SPTBN4: variants seen among roughly 807,000 people sequenced by gnomAD.
The protein encoded by SPTBN4 is spectrin beta, non-erythrocytic 4, also known as spectrin beta chain, non-erythrocytic 4.
Under a neutral mutation model 277.8 loss-of-function variants are expected in SPTBN4, and 96 were observed. The observed-to-expected ratio is 0.35, with a 90% CI of 0.29 to 0.41. The LOEUF is 0.41. SPTBN4 is among the 10% of genes least tolerant of loss of function. SPTBN4 has a pLI of 1.00. For synonymous variants in SPTBN4, 1,481 were observed against 1,580.3 expected, an observed-to-expected ratio of 0.94 and a Z score of 1.49; for missense variants, 3,006 against 3,595.7, an observed-to-expected ratio of 0.84 and a Z score of 4.19.
chr19:40,557,251 T>C lies in SPTBN4; in HGVS notation c.5518T>C (p.Phe1840Leu), dbSNP rs1307078479. The change falls in exon 26 of 36, where the codon TTC (phenylalanine) becomes CTC (leucine). Residue 1840 changes from phenylalanine (F) to leucine (L), a missense_variant. Physicochemically the swap from Phe to Leu is conservative, Grantham distance 22. Transcript: ENST00000598249. ...CGCCTCTCGGGAGCTTCATAAGTTC[T>C]TCAGTGACGCCCGAGAGCTTCAGGG... The part of the protein sequence containing the change: ...LAASRELHKF[F>L]SDARELQGQI... 6.2e-7 allele frequency: 1 copy of C among 1,613,558 alleles called. No individual in the cohort carries two copies. The highest frequency in any genetic ancestry group is 8.5e-7 in the Non-Finnish European group (1 of 1,179,830).
chr19:40,521,351 T>G (rs2080524410), intron 16 of SPTBN4, among the ~76,000 whole-genome samples: 1 of 152,246 alleles, frequency 6.6e-6, no homozygotes, highest in Non-Finnish European at 1.5e-5. Flanking sequence ...GCTTTATTTC[T>G]ATTGTTATTA....
chr19:40,482,574 C>T (rs1479065322), intron 2 of SPTBN4, among the ~76,000 whole-genome samples: 1 of 152,152 alleles, frequency 6.6e-6, no homozygotes, highest in Non-Finnish European at 1.5e-5. Flanking sequence ...CATGAGAAGC[C>T]CAAAATCTAA....
chr19:40,499,069 TC>T (rs1453673255), intron 7 of SPTBN4, among the ~76,000 whole-genome samples: 2 of 151,036 alleles, frequency 1.3e-5, no homozygotes, highest in Non-Finnish European at 2.9e-5. Context: ...GCTCTGTCAC[TC>T]AGACTGGAGT....
chr19:40,517,611 G>C (rs2080475465), intron 15 of SPTBN4, among the ~76,000 whole-genome samples: 1 of 152,100 alleles, frequency 6.6e-6, no homozygotes, highest in African/African-American at 2.4e-5. Flanking sequence ...CTACGCTCTT[G>C]ACTCTGTGCT....
chr19:40,574,897 C>A (rs528814739), intron 35 of SPTBN4, among the ~76,000 whole-genome samples: 1 of 151,846 alleles, frequency 6.6e-6, no homozygotes, highest in South Asian at 2.1e-4. Flanking sequence ...TGCCTGTAGT[C>A]CCAGACACTC....
At chr19:40,544,851 G>A (rs555200127) in intron 20 of SPTBN4, among the ~76,000 whole-genome samples, 69 of 151,364 alleles carry the variant, frequency 4.6e-4, no homozygotes, top group South Asian at 1.5e-3. Flanking sequence ...TTTAAGAGAG[G>A]GGGTCTAGCT....
In SPTBN4 at chr19:40,513,188, A is replaced by C; in HGVS notation, c.2399A>C (p.Asp800Ala). 6.7e-7 allele frequency: 1 copy of C among 1,502,906 alleles called. No individual in the cohort carries two copies. Among genetic ancestry groups the C allele is most frequent in the Non-Finnish European group, 8.8e-7 (1 of 1,134,322 alleles). The allele number at this position is 1,502,906 out of a possible 1,614,324, so 93.1% of individuals were successfully genotyped here. A position where few individuals can be genotyped will look rare whatever the true frequency, so the allele number is the denominator to read the frequency against. ...GCTTACCGCCTGGCAGCCGCCGGTGACTTCGGCCACGACGAAGCTTCCAGC... is the reference window on the plus strand; with the variant it reads ...GCTTACCGCCTGGCAGCCGCCGGTGCCTTCGGCCACGACGAAGCTTCCAGC... ...RDAYRLAAAGDFGHDEASSRR... is the reference protein window; with the variant it reads ...RDAYRLAAAGAFGHDEASSRR... Residue 800 changes from aspartate to alanine, a missense_variant, in exon 14 of 36, where the codon GAC becomes GCC. Transcript: ENST00000598249.
chr19:40,565,553 G>A lies in SPTBN4; in HGVS notation c.6046G>A (p.Ala2016Thr). ...TCTGCTGCTCAACAAAAGTGCCATG[G>A]CTGATGAGGTGGGGAGCAGGGAGGG... Reference protein sequence around the residue: ...RSLLLNKSAMADEIQAQLDKL... With the variant: ...RSLLLNKSAMTDEIQAQLDKL... The change falls in exon 28 of 36, where the codon GCT becomes ACT. Residue 2016 changes from alanine to threonine, a missense_variant. Ala to Thr is a moderately conservative substitution (Grantham distance 58). Around this residue, in one of 5 missense-constraint regions of SPTBN4, gnomAD observed 425 missense variants for 594.7 expected, o/e 0.71. Coordinates refer to ENST00000598249, the MANE Select transcript of SPTBN4 (RefSeq NM_020971.3). 6.2e-7 allele frequency: 1 copy of A among 1,613,840 alleles called. No individual in the cohort carries two copies. Among genetic ancestry groups the A allele is most frequent in the Non-Finnish European group, 8.5e-7 (1 of 1,179,848 alleles).
intron 13 of SPTBN4, among the ~76,000 whole-genome samples, chr19:40,510,080 A>T (rs1207599161): frequency 2.0e-5 from 3 of 151,924 alleles, no homozygotes. Context: ...GTGCGTTGTC[A>T]TGGGGATGGG....
intron 29 of SPTBN4, among the ~76,000 whole-genome samples, 181 bp downstream of exon 29, chr19:40,565,926 G>GA (rs1168170727): frequency 2.6e-5 from 4 of 151,794 alleles, no homozygotes; most frequent in South Asian, 4.2e-4. Context: ...ACCCACCCTT[G>GA]AAAAAAAAGT....
At position 40,576,023 on chromosome 19, in the gene SPTBN4, C is replaced by A. The variant is rs1409361319; in HGVS notation, c.*454C>A. 2.0e-5 allele frequency: 3 copies of A among 153,166 alleles called. No individual in the cohort carries two copies. The highest frequency in any genetic ancestry group is 4.4e-5 in the Non-Finnish European group (3 of 68,508). The allele number at this position is 153,166 out of a possible 1,614,324, so 9.5% of individuals were successfully genotyped here. ...GTGCTAGGGGGCAGGGAGGGGACAC[C>A]CCCTCCCCGCCTTTACCTCACTTCC... On this transcript the variant is annotated 3_prime_UTR_variant, in exon 36 of 36. Coordinates refer to ENST00000598249, the MANE Select transcript of SPTBN4 (RefSeq NM_020971.3).
chr19:40,549,294 C>T lies in SPTBN4; in HGVS notation c.4465C>T (p.Arg1489Trp). The change falls in exon 21 of 36, where the codon CGG (arginine) becomes TGG (tryptophan). Residue 1489 changes from arginine (R) to tryptophan (W), a missense_variant. Arg to Trp is a moderately radical substitution (Grantham distance 101). Coordinates refer to ENST00000598249, the MANE Select transcript of SPTBN4 (RefSeq NM_020971.3). The stretch of plus-strand genomic sequence containing the variant: ...GGCGAGCAAGGAGCTGGTGGGTGAG[C>T]GGCAGAACGCGGTGGGCGAGCGCCT... ...EPASKELVGE[R>W]QNAVGERLVR... The T allele has an allele frequency of 6.5e-7, 1 of 1,542,550 alleles. No individual in the cohort carries two copies. The highest frequency in any genetic ancestry group is 8.7e-7 in the Non-Finnish European group (1 of 1,146,100).
intron 20 of SPTBN4, among the ~76,000 whole-genome samples, chr19:40,539,633 C>A (rs2080776023): frequency 6.6e-6 from 1 of 152,036 alleles, no homozygotes; most frequent in Non-Finnish European, 1.5e-5. Context: ...GCACCTGCCA[C>A]CACGCCTGGC....
chr19:40,532,594 C>A, intron 18 of SPTBN4, 31 bp from the exon 19 acceptor site: 1 of 1,590,760 alleles, frequency 6.3e-7, no homozygotes, highest in Non-Finnish European at 8.6e-7. Context: ...TTGAGGGGAC[C>A]AGCTGAGCCC....
At chr19:40,492,750 A>G (rs1032729781) in intron 4 of SPTBN4, among the ~76,000 whole-genome samples, 1 of 152,048 alleles carries the variant, frequency 6.6e-6, no homozygotes, top group Non-Finnish European at 1.5e-5. Context: ...CTTTCTTGGA[A>G]ACAGAGACCG....
In SPTBN4 at chr19:40,524,432, G is replaced by A. The variant is rs565100184; in HGVS notation, c.3857+793G>A. 694 of 303,312 alleles carry A rather than the reference G, an allele frequency of 2.3e-3. 13 individuals are homozygous for A. The highest frequency in any genetic ancestry group is 0.018 in the South Asian group (657 of 36,162). The allele number at this position is 303,312 out of a possible 1,614,324, so 18.8% of individuals were successfully genotyped here. Reference sequence around the variant, plus strand: ...TGAGATGGGAGGACTGTTTGAGTCCGGGAGATTGAGGCAGCAATGAACTGT... The same window carrying A: ...TGAGATGGGAGGACTGTTTGAGTCCAGGAGATTGAGGCAGCAATGAACTGT... On this transcript the variant is annotated intron_variant, in intron 17 of 35. Transcript: ENST00000598249.
At chr19:40,541,701 C>G (rs1039564763) in intron 20 of SPTBN4, among the ~76,000 whole-genome samples, 2 of 152,090 alleles carry the variant, frequency 1.3e-5, no homozygotes, top group African/African-American at 4.8e-5. Context: ...TCTCTCTCTT[C>G]CCTTTGTGTC....
chr19:40,476,362 AAG>A (rs1370349700), intron 2 of SPTBN4, among the ~76,000 whole-genome samples: 4 of 144,906 alleles, frequency 2.8e-5, no homozygotes, highest in Admixed American at 6.9e-5. Flanking sequence ...AAAAAAAAAA[AAG>A]AGAGAGAGAG....
At position 40,512,776 on chromosome 19, in the gene SPTBN4, A is replaced by C; in HGVS notation, c.1987A>C (p.Lys663Gln). The change falls in exon 14 of 36, where the codon AAG becomes CAG. Residue 663 changes from lysine to glutamine, a missense_variant. Around this residue, in one of 5 missense-constraint regions of SPTBN4, gnomAD observed 1,759 missense variants for 2,061.5 expected, o/e 0.85. Coordinates refer to ENST00000598249, the MANE Select transcript of SPTBN4 (RefSeq NM_020971.3). ...LEEAESWARDKERLLEAAGGG... is the reference protein window; with the variant it reads ...LEEAESWARDQERLLEAAGGG... ...GGAGGCCGAGAGCTGGGCGCGCGAC[A>C]AGGAGCGTCTCCTGGAGGCTGCGGG... The C allele has an allele frequency of 6.6e-7, 1 of 1,505,042 alleles. No homozygotes were observed. The highest frequency in any genetic ancestry group is 8.8e-7 in the Non-Finnish European group (1 of 1,135,850). 93.2% of individuals were successfully genotyped at this position (1,505,042 alleles called of 1,614,324 possible).
Sources: allele counts gnomAD v4.1 joint callset (sites outside exome capture counted in the v4.1 genomes callset), GRCh38; gene constraint gnomAD v4.1.1; regional missense constraint gnomAD v4.1.1; transcripts MANE v1.5; gene names NCBI Gene and HGNC (gene_info 2026-07-23, HGNC 2026-07-21).